Variants in DAAM1 observed in about 807,000 individuals in gnomAD.
The protein encoded by DAAM1 is disheveled-associated activator of morphogenesis 1.
A neutral mutation model predicts 130.0 loss-of-function variants in DAAM1; 52 were observed. That is an observed-to-expected ratio of 0.40 (90% CI 0.32 to 0.50). The LOEUF is 0.50. Among genes scored for constraint, DAAM1 ranks in the 20% least tolerant of loss-of-function variants. The pLI, the probability that DAAM1 is intolerant of heterozygous loss-of-function variation, is 0.61. For missense variants in DAAM1, 1,134 were observed against 1,303.8 expected (o/e 0.87, Z 2.01); for synonymous variants, 452 against 444.5 (o/e 1.02, Z -0.21).
intron 1 of DAAM1, among the ~76,000 whole-genome samples, chr14:59,221,379 A>C (rs915885566): frequency 6.6e-6 from 1 of 152,246 alleles, no homozygotes; most frequent in Non-Finnish European, 1.5e-5. Flanking sequence ...GGAAATACTC[A>C]TGGTAATTAC....
chr14:59,298,560 G>A (rs1884046594), intron 3 of DAAM1, among the ~76,000 whole-genome samples: 1 of 152,152 alleles, frequency 6.6e-6, no homozygotes. Context: ...TAATCTCAAA[G>A]CTAGTGATCC....
intron 20 of DAAM1, among the ~76,000 whole-genome samples, chr14:59,357,711 G>A (rs559606171): frequency 1.3e-5 from 2 of 152,246 alleles, no homozygotes; most frequent in South Asian, 4.1e-4. Context: ...CCAGAAGGCA[G>A]AGGTTGCAGT....
At chr14:59,214,393 C>T (rs1457713225) in intron 1 of DAAM1, among the ~76,000 whole-genome samples, 1 of 152,252 alleles carries the variant, frequency 6.6e-6, no homozygotes, top group Non-Finnish European at 1.5e-5. Context: ...TCCTTGCTCT[C>T]CTCAGGAAGG....
chr14:59,326,235 G>T, intron 10 of DAAM1, 158 bp downstream of exon 10: 2 of 717,334 alleles, frequency 2.8e-6, no homozygotes, highest in Non-Finnish European at 4.5e-6. Flanking sequence ...ATGGCTTAAA[G>T]GGTGTTACAA....
chr14:59,253,461 C>T (rs749154970), intron 1 of DAAM1, among the ~76,000 whole-genome samples: 6 of 152,222 alleles, frequency 3.9e-5, no homozygotes, highest in East Asian at 1.9e-4. Flanking sequence ...AAGTAATCTT[C>T]GCATAAAAGT....
chr14:59,301,918 G>A (rs1317426144), intron 3 of DAAM1, among the ~76,000 whole-genome samples: 1 of 152,188 alleles, frequency 6.6e-6, no homozygotes, highest in Non-Finnish European at 1.5e-5. Context: ...TGAAAAATGT[G>A]TGTGCTTTGT....
chr14:59,221,639 C>T (rs916125634), intron 1 of DAAM1, among the ~76,000 whole-genome samples: 3 of 152,160 alleles, frequency 2.0e-5, no homozygotes, highest in Non-Finnish European at 4.4e-5. Flanking sequence ...CTCTTGTATT[C>T]CAGACATACT....
intron 3 of DAAM1, among the ~76,000 whole-genome samples, chr14:59,312,030 T>C (rs1044645298): frequency 6.6e-6 from 1 of 152,182 alleles, no homozygotes; most frequent in Non-Finnish European, 1.5e-5. Flanking sequence ...CTTTGTATTG[T>C]TTGTTAATTC....
Position 59,340,071 on chromosome 14 carries a change from C to G in DAAM1, c.1969-3C>G. On this transcript the variant is annotated splice_polypyrimidine_tract_variant and splice_region_variant and intron_variant, in intron 15 of 24. Transcript: ENST00000360909. ...TGATGGATTTCTTTCATGCTCTTTACAGAAAGAAGCAGATGCCATTGATGA... is the reference window on the plus strand; with the variant it reads ...TGATGGATTTCTTTCATGCTCTTTAGAGAAAGAAGCAGATGCCATTGATGA... 1 of 1,611,900 alleles carries G rather than the reference C, an allele frequency of 6.2e-7. No homozygotes were observed. Among genetic ancestry groups the G allele is most frequent in the Non-Finnish European group, 8.5e-7 (1 of 1,178,500 alleles).
At chr14:59,345,372 G>A (rs1427113581) in intron 16 of DAAM1, among the ~76,000 whole-genome samples, 1 of 152,186 alleles carries the variant, frequency 6.6e-6, no homozygotes, top group Non-Finnish European at 1.5e-5. Flanking sequence ...CTCACATAAG[G>A]TGATAGAACG....
chr14:59,283,975 G>A (rs1883334207), intron 2 of DAAM1, among the ~76,000 whole-genome samples: 1 of 152,164 alleles, frequency 6.6e-6, no homozygotes, highest in African/African-American at 2.4e-5. Flanking sequence ...GTTCTAAAAT[G>A]TGGTCTTAGG....
At chr14:59,190,587 C>T (rs1887702830) in intron 1 of DAAM1, among the ~76,000 whole-genome samples, 1 of 152,178 alleles carries the variant, frequency 6.6e-6, no homozygotes, top group Non-Finnish European at 1.5e-5. Flanking sequence ...CTAGAGGGCG[C>T]AGGTCCTTGA....
In DAAM1 at chr14:59,203,255, G is replaced by A. The variant is rs184502686; in HGVS notation, c.-38+14487G>A. On this transcript the variant is annotated intron_variant, in intron 1 of 24. Coordinates refer to ENST00000360909, the MANE Select transcript of DAAM1 (RefSeq NM_001270520.2). Reference sequence around the variant, plus strand: ...GATCTCCTGACCTCATGATCTGCCCGCCTTGGCCTCCCAAAGTGCTGGGAT... The same window carrying A: ...GATCTCCTGACCTCATGATCTGCCCACCTTGGCCTCCCAAAGTGCTGGGAT... 2.2e-4 allele frequency among the ~76,000 whole-genome samples: 32 copies of A among 145,484 alleles called. 1 individual carries two copies. The highest frequency in any genetic ancestry group is 9.5e-4 in the Admixed American group (13 of 13,750).
At chr14:59,272,639 A>ATG (rs1555359604) in intron 2 of DAAM1, among the ~76,000 whole-genome samples, 1 of 117,954 alleles carries the variant, frequency 8.5e-6, no homozygotes, top group East Asian at 2.0e-4. Context: ...ACATACACAC[A>ATG]TATATATGTA....
chr14:59,367,253 A>C (rs908870987), intron 23 of DAAM1, among the ~76,000 whole-genome samples, 176 bp from the exon 24 acceptor site: 1 of 152,176 alleles, frequency 6.6e-6, no homozygotes, highest in Non-Finnish European at 1.5e-5. Context: ...ATGCCACTGC[A>C]CTCCAGCCTG....
intron 1 of DAAM1, among the ~76,000 whole-genome samples, chr14:59,230,857 A>G (rs1232555194): frequency 6.6e-6 from 1 of 152,182 alleles, no homozygotes; most frequent in Non-Finnish European, 1.5e-5. Context: ...ACAGATATGT[A>G]CACCTATATA....
intron 17 of DAAM1, among the ~76,000 whole-genome samples, chr14:59,348,902 C>T (rs1393058931): frequency 1.3e-5 from 2 of 152,120 alleles, no homozygotes; most frequent in East Asian, 3.9e-4. Flanking sequence ...CTCACATTTG[C>T]CATGGAGAAA....
rs757352220 is a variant in DAAM1 at position 59,322,370 on chromosome 14, A to C, written c.441-522A>C. Among the ~76,000 whole-genome samples the C allele has an allele frequency of 3.9e-5, 6 of 152,146 alleles. No individual in the cohort carries two copies. In the South Asian group the frequency reaches 1.2e-3, roughly 32 times the overall value. On this transcript the variant is annotated intron_variant, in intron 5 of 24. Coordinates refer to ENST00000360909, the MANE Select transcript of DAAM1 (RefSeq NM_001270520.2). The stretch of plus-strand genomic sequence containing the variant: ...CTTAAAAAAAAAAGTTAAAAAGAAA[A>C]AATTGACTGGGAATGGTGGCACGCA...
chr14:59,332,974 G>A lies in DAAM1; in HGVS notation c.1968+1054G>A, dbSNP rs147929081. Among the ~76,000 whole-genome samples, 69 of 152,146 alleles carry A rather than the reference G, an allele frequency of 4.5e-4. No individual in the cohort carries two copies. In the East Asian group the frequency reaches 0.013, roughly 29 times the overall value. On this transcript the variant is annotated intron_variant, in intron 15 of 24. Transcript: ENST00000360909. ...TAAACAAGCAGCAGACTTCCTAGTT[G>A]GTTTCCTTGGCTTAGTCCCCAAGAA...
Sources: gnomAD v4.1 joint callset for allele counts (sites outside exome capture counted in the v4.1 genomes callset) on GRCh38, gnomAD v4.1.1 for gene constraint, MANE v1.5 for transcripts, NCBI Gene and HGNC (gene_info 2026-07-23, HGNC 2026-07-21) for gene names.